ADGRL3: variants seen among roughly 807,000 people sequenced by gnomAD.
The protein encoded by ADGRL3 is calcium-independent alpha-latrotoxin receptor 3.
In ADGRL3, 62 loss-of-function variants were observed where a neutral mutation model predicts 153.5. That is an observed-to-expected ratio of 0.40 (90% CI 0.33 to 0.50). The LOEUF (loss-of-function observed/expected upper bound fraction) is 0.50. Among genes scored for constraint, ADGRL3 ranks in the 20% least tolerant of loss-of-function variants. The pLI is 0.47. For synonymous variants in ADGRL3, 710 were observed against 672.5 expected (o/e 1.06, Z -0.86); for missense variants, 1,641 against 1,859.4 (o/e 0.88, Z 2.16).
At chr4:61,793,619 T>A (rs1261307982) in intron 8 of ADGRL3, among the ~76,000 whole-genome samples, 1 of 152,152 alleles carries the variant, frequency 6.6e-6, no homozygotes, top group African/African-American at 2.4e-5. Context: ...CCAACATTAC[T>A]TGTCTTTTGC....
chr4:61,240,504 C>A (rs1279801951), intron 1 of ADGRL3, among the ~76,000 whole-genome samples: 1 of 152,042 alleles, frequency 6.6e-6, no homozygotes, highest in Non-Finnish European at 1.5e-5. Flanking sequence ...ATTTTTCTTT[C>A]AAATAAAGTA....
chr4:61,923,677 C>T (rs533106462), intron 13 of ADGRL3, among the ~76,000 whole-genome samples: 1 of 152,256 alleles, frequency 6.6e-6, no homozygotes, highest in South Asian at 2.1e-4. Context: ...AGTCAACACC[C>T]ACTTCGTATG....
intron 6 of ADGRL3, among the ~76,000 whole-genome samples, chr4:61,687,716 A>G (rs1272146774): frequency 6.6e-6 from 1 of 151,968 alleles, no homozygotes; most frequent in Non-Finnish European, 1.5e-5. Context: ...AAAATACTGA[A>G]TGGGTAAATA....
intron 2 of ADGRL3, among the ~76,000 whole-genome samples, chr4:61,400,817 CAA>C (rs67512824): frequency 0.021 from 2,358 of 114,542 alleles, 16 homozygotes; most frequent in Non-Finnish European, 0.023. Flanking sequence ...GCTAAAGTTA[CAA>C]AAAAAAAAAA....
At chr4:61,235,729 C>T (rs956227028) in intron 1 of ADGRL3, among the ~76,000 whole-genome samples, 3 of 152,146 alleles carry the variant, frequency 2.0e-5, no homozygotes, top group Non-Finnish European at 4.4e-5. Context: ...ACTTGACTAA[C>T]CTATGGAAGC....
In ADGRL3 at chr4:62,031,599, C is replaced by T. The variant is rs1722058279; in HGVS notation, c.3580C>T (p.Leu1194=). Residue 1194 remains leucine (L), a synonymous_variant, in exon 23 of 27, where the codon CTA becomes TTA. Transcript: ENST00000683033. ...GTTTATATTTATTTTCCATTGTGTCCTACAGAAGAAGGTAAGCTAGAATTC... is the reference window on the plus strand; with the variant it reads ...GTTTATATTTATTTTCCATTGTGTCTTACAGAAGAAGGTAAGCTAGAATTC... The part of the protein sequence containing the change: ...GMFIFIFHCV[L]QKKVRKEYGK... 1 of 1,603,224 alleles carries T rather than the reference C, an allele frequency of 6.2e-7. No individual in the cohort carries two copies. Among genetic ancestry groups the T allele is most frequent in the East Asian group, 2.2e-5 (1 of 44,654 alleles).
At chr4:61,630,773 G>A (rs529457393) in intron 5 of ADGRL3, among the ~76,000 whole-genome samples, 15 of 152,296 alleles carry the variant, frequency 9.8e-5, no homozygotes, top group Admixed American at 2.6e-4. Context: ...ATATGGAGCC[G>A]TTTTATGGAC....
At chr4:61,903,983 G>C (rs2098681039) in intron 11 of ADGRL3, among the ~76,000 whole-genome samples, 1 of 151,164 alleles carries the variant, frequency 6.6e-6, no homozygotes, top group South Asian at 2.1e-4. Flanking sequence ...TGCCCAGGCT[G>C]GTCTCCAGCT....
chr4:62,049,707 G>C lies in ADGRL3; in HGVS notation c.3814+5158G>C, dbSNP rs189073336. ...CTGTTAGGAGTATGGTTGATACAGA[G>C]GGGAAAGATGCTGCTATCAAATAGA... On this transcript the variant is annotated intron_variant, in intron 25 of 26. Coordinates refer to ENST00000683033, the MANE Select transcript of ADGRL3 (RefSeq NM_001387552.1). Among the ~76,000 whole-genome samples, 9 of 152,226 alleles carry C rather than the reference G, an allele frequency of 5.9e-5. No individual in the cohort carries two copies. In the East Asian group the frequency reaches 9.7e-4, roughly 16 times the overall value.
intron 21 of ADGRL3, among the ~76,000 whole-genome samples, chr4:62,004,603 C>G (rs2151142191): frequency 6.6e-6 from 1 of 151,926 alleles, no homozygotes; most frequent in Admixed American, 6.6e-5. Flanking sequence ...CAATTAAAAT[C>G]AAGATTTTAC....
At chr4:61,714,218 T>TACGCACACACACACACAC (rs143768783) in intron 6 of ADGRL3, among the ~76,000 whole-genome samples, 67,499 of 128,814 alleles carry the variant, frequency 0.52, 15,411 homozygotes, top group East Asian at 0.66. Flanking sequence ...CCATGTAAAA[T>TACGCACACACACACACAC]ACGCACACAC....
At chr4:61,709,961 C>T (rs2151447368) in intron 6 of ADGRL3, among the ~76,000 whole-genome samples, 1 of 152,166 alleles carries the variant, frequency 6.6e-6, no homozygotes, top group South Asian at 2.1e-4. Flanking sequence ...CATGCTATGT[C>T]TTAGAAAAGT....
chr4:61,456,397 C>A (rs111111856), intron 2 of ADGRL3, among the ~76,000 whole-genome samples: 196 of 90,094 alleles, frequency 2.2e-3, no homozygotes, highest in Non-Finnish European at 2.3e-3. Flanking sequence ...ATAGATATAT[C>A]TATATCTATA....
chr4:61,504,735 A>G (rs1043540978), intron 3 of ADGRL3, among the ~76,000 whole-genome samples: 1 of 151,958 alleles, frequency 6.6e-6, no homozygotes, highest in Non-Finnish European at 1.5e-5. Flanking sequence ...TTTATTTCTC[A>G]TATATTACTG....
At chr4:61,390,170 C>T (rs1037746379) in intron 2 of ADGRL3, among the ~76,000 whole-genome samples, 1 of 152,008 alleles carries the variant, frequency 6.6e-6, no homozygotes, top group Admixed American at 6.6e-5. Context: ...ATGTTTATTA[C>T]TAGATTTTTA....
At chr4:61,258,176 G>A (rs2092177478) in intron 1 of ADGRL3, among the ~76,000 whole-genome samples, 1 of 152,178 alleles carries the variant, frequency 6.6e-6, no homozygotes, top group South Asian at 2.1e-4. Context: ...ATAAACTGTA[G>A]TGGGGGTTCC....
intron 6 of ADGRL3, among the ~76,000 whole-genome samples, chr4:61,695,068 T>C (rs2095615707): frequency 6.6e-6 from 1 of 152,202 alleles, no homozygotes; most frequent in Admixed American, 6.6e-5. Flanking sequence ...ACTGAAATCT[T>C]GAACCCTTCA....
At chr4:61,685,826 A>G (rs1320232701) in intron 6 of ADGRL3, among the ~76,000 whole-genome samples, 2 of 152,146 alleles carry the variant, frequency 1.3e-5, no homozygotes, top group Non-Finnish European at 2.9e-5. Flanking sequence ...TCTTTCTAAT[A>G]TATATTTTAG....
chr4:61,434,455 CAT>C (rs969483786), intron 2 of ADGRL3, among the ~76,000 whole-genome samples: 11 of 152,056 alleles, frequency 7.2e-5, no homozygotes, highest in Admixed American at 5.9e-4. Context: ...TAACTTAAAA[CAT>C]ATGGTATTTG....
Sources: gnomAD v4.1 joint callset for allele counts (sites outside exome capture counted in the v4.1 genomes callset) on GRCh38, gnomAD v4.1.1 for gene constraint, MANE v1.5 for transcripts, NCBI Gene and HGNC (gene_info 2026-07-23, HGNC 2026-07-21) for gene names.